The following GALNT6 variants were observed in gnomAD, a reference collection of about 807,000 sequenced individuals.
GALNT6 encodes the protein GalNAc transferase 6.
GALNT6 carries 51 observed loss-of-function variants against 65.9 expected under a neutral mutation model. The ratio of observed to expected loss-of-function variants is 0.77; its 90% CI spans 0.62 to 0.98. GALNT6 has a LOEUF of 0.98. GALNT6 is among the 50% of genes least tolerant of loss of function. The pLI is 0.00. For synonymous variants in GALNT6, 323 were observed against 315.1 expected (o/e 1.02, Z -0.26); for missense variants, 708 against 803.3 (o/e 0.88, Z 1.43).
At chr12:51,366,186 G>A (rs1424955233) in intron 4 of GALNT6, among the ~76,000 whole-genome samples, 1 of 152,168 alleles carries the variant, frequency 6.6e-6, no homozygotes, top group East Asian at 1.9e-4. Flanking sequence ...CCAAAGTTCT[G>A]GGATTACAGG....
chr12:51,386,668 T>TCAC (rs1450816091), intron 2 of GALNT6, among the ~76,000 whole-genome samples: 2 of 152,192 alleles, frequency 1.3e-5, no homozygotes, highest in Non-Finnish European at 1.5e-5. Context: ...GTGATAACTG[T>TCAC]CACCACTCTT....
chr12:51,380,000 C>T (rs749811342), intron 2 of GALNT6, 116 bp from the exon 3 acceptor site: 10 of 563,954 alleles, frequency 1.8e-5, no homozygotes, highest in Non-Finnish European at 3.2e-5. Context: ...CCTTATTGGC[C>T]ACAACTTTCC....
In GALNT6 at chr12:51,354,183, T is replaced by G; in HGVS notation, c.*196A>C. 1.9e-6 allele frequency: 1 copy of G among 515,792 alleles called. No individual in the cohort carries two copies. The highest frequency in any genetic ancestry group is 4.3e-5 in the Admixed American group (1 of 23,208). The allele number at this position is 515,792 out of a possible 1,614,324, so 32.0% of individuals were successfully genotyped here. ...CTAGGCTAAATATATGTCCTAATGGTCTCTTCCATCGGTGTGAAGGAAAGA... is the reference window on the plus strand; with the variant it reads ...CTAGGCTAAATATATGTCCTAATGGGCTCTTCCATCGGTGTGAAGGAAAGA... On this transcript the variant is annotated 3_prime_UTR_variant, in exon 12 of 12. Coordinates refer to ENST00000356317, the MANE Select transcript of GALNT6 (RefSeq NM_007210.4).
intron 8 of GALNT6, 133 bp downstream of exon 8, chr12:51,358,999 C>T: frequency 1.4e-6 from 1 of 715,822 alleles, no homozygotes; most frequent in South Asian, 1.7e-5. Context: ...GGCTCTAGCT[C>T]ACAGGTCCCT....
chr12:51,358,568 T>C (rs977524582), intron 8 of GALNT6, among the ~76,000 whole-genome samples: 7 of 152,158 alleles, frequency 4.6e-5, no homozygotes, highest in Non-Finnish European at 1.5e-5. Context: ...CCCTAAGTGC[T>C]GGGATTACAG....
chr12:51,371,784 CAT>C (rs1173788150), intron 4 of GALNT6, among the ~76,000 whole-genome samples: 3 of 152,130 alleles, frequency 2.0e-5, no homozygotes, highest in African/African-American at 7.2e-5. Flanking sequence ...GACTCACTCT[CAT>C]AGGGCTACTA....
intron 2 of GALNT6, among the ~76,000 whole-genome samples, chr12:51,383,116 G>A (rs1386501674): frequency 1.3e-5 from 2 of 152,212 alleles, no homozygotes; most frequent in African/African-American, 2.4e-5. Flanking sequence ...TAAGCTGAGA[G>A]AGGTAGAGTT....
rs767505533 is a variant in GALNT6 at position 51,355,802 on chromosome 12, T to C, written c.1755+4A>G. 1 of 1,612,260 alleles carries C rather than the reference T, an allele frequency of 6.2e-7. No homozygotes were observed. The highest frequency in any genetic ancestry group is 8.5e-7 in the Non-Finnish European group (1 of 1,179,296). ...GATTCTGAGCTTTCTGGACACTGAC[T>C]CACCTGGGCCAATTCCCATTCCTCG... On this transcript the variant is annotated splice_donor_region_variant and intron_variant, in intron 11 of 11. Transcript: ENST00000356317.
chr12:51,360,443 C>T (rs1351184203), intron 7 of GALNT6, among the ~76,000 whole-genome samples: 1 of 152,074 alleles, frequency 6.6e-6, no homozygotes, highest in African/African-American at 2.4e-5. Context: ...GCAAAAGAGT[C>T]CCCAGTCACC....
chr12:51,389,642 C>A (rs1359629496), intron 2 of GALNT6, among the ~76,000 whole-genome samples: 1 of 152,204 alleles, frequency 6.6e-6, no homozygotes, highest in Non-Finnish European at 1.5e-5. Flanking sequence ...CAGCTGCCTG[C>A]CTTCATGATA....
chr12:51,382,174 T>G (rs1947696157), intron 2 of GALNT6: 1 of 152,208 alleles, frequency 6.6e-6, no homozygotes, highest in South Asian at 2.1e-4. Flanking sequence ...TAGGAGAGAT[T>G]TGTTTATTCC....
chr12:51,377,514 C>T (rs1947504820), intron 3 of GALNT6, 147 bp from the exon 4 acceptor site: 1 of 687,274 alleles, frequency 1.5e-6, no homozygotes, highest in East Asian at 2.7e-5. Context: ...AACAGCTGTT[C>T]CCTGTTCCTG....
chr12:51,354,133 C>T lies in GALNT6; in HGVS notation c.*246G>A, dbSNP rs1243916985. On this transcript the variant is annotated 3_prime_UTR_variant, in exon 12 of 12. Coordinates refer to ENST00000356317, the MANE Select transcript of GALNT6 (RefSeq NM_007210.4). ...CCAGCTGCCTTCCCTACTTTGGGAG[C>T]CTCTATTTCTAGAACAGGAAAACGC... 2.5e-6 allele frequency: 1 copy of T among 396,312 alleles called. No homozygotes were observed. The highest frequency in any genetic ancestry group is 4.4e-6 in the Non-Finnish European group (1 of 226,192). 24.5% of individuals were successfully genotyped at this position (396,312 alleles called of 1,614,324 possible). A position where few individuals can be genotyped will look rare whatever the true frequency, so the allele number is the denominator to read the frequency against.
chr12:51,352,101 C>T lies in GALNT6; in HGVS notation c.*2278G>A, dbSNP rs563665488. 1.3e-5 allele frequency: 2 copies of T among 152,234 alleles called. No homozygotes were observed. Among genetic ancestry groups the T allele is most frequent in the Non-Finnish European group, 2.9e-5 (2 of 68,054 alleles). The allele number at this position is 152,234 out of a possible 1,614,324, so 9.4% of individuals were successfully genotyped here. The stretch of plus-strand genomic sequence containing the variant: ...AAGACAGCTGTGGTCCCATAGCACC[C>T]TCATCTGGTGACATCCTGCTACTGA... On this transcript the variant is annotated 3_prime_UTR_variant, in exon 12 of 12. Coordinates refer to ENST00000356317, the MANE Select transcript of GALNT6 (RefSeq NM_007210.4).
intron 2 of GALNT6, chr12:51,382,474 C>G (rs1947707160): frequency 6.5e-6 from 1 of 152,984 alleles, no homozygotes; most frequent in Admixed American, 6.5e-5. Context: ...GCGAGGTGAG[C>G]ACATTTCAGG....
rs1007954480 is a variant in GALNT6 at position 51,353,943 on chromosome 12, G to C, written c.*436C>G. The C allele has an allele frequency of 6.5e-6, 1 of 152,892 alleles. No homozygotes were observed. The highest frequency in any genetic ancestry group is 1.4e-5 in the Non-Finnish European group (1 of 69,014). The allele number at this position is 152,892 out of a possible 1,614,324, so 9.5% of individuals were successfully genotyped here. On this transcript the variant is annotated 3_prime_UTR_variant, in exon 12 of 12. Transcript: ENST00000356317. Reference sequence around the variant, plus strand: ...TTTTTTTGCCGGGGGGAGGGTGGGCGTAGAGATGGGATCCTCACTATGTTG... The same window carrying C: ...TTTTTTTGCCGGGGGGAGGGTGGGCCTAGAGATGGGATCCTCACTATGTTG...
intron 2 of GALNT6, among the ~76,000 whole-genome samples, chr12:51,384,996 CT>C (rs958678142): frequency 4.0e-5 from 6 of 151,360 alleles, no homozygotes; most frequent in Non-Finnish European, 5.9e-5. Flanking sequence ...TTCTTTCTTT[CT>C]TTTTTTTTGG....
intron 4 of GALNT6, among the ~76,000 whole-genome samples, chr12:51,373,030 T>G (rs1199581591): frequency 1.3e-5 from 2 of 152,192 alleles, no homozygotes; most frequent in African/African-American, 2.4e-5. Context: ...TGCCTATACC[T>G]CCATTGTATC....
chr12:51,384,501 G>C (rs1195892624), intron 2 of GALNT6, among the ~76,000 whole-genome samples: 4 of 151,668 alleles, frequency 2.6e-5, no homozygotes, highest in Non-Finnish European at 5.9e-5. Context: ...AGACCAACCT[G>C]GCCAACATGG....
Sources: gnomAD v4.1 joint callset for allele counts (sites outside exome capture counted in the v4.1 genomes callset) on GRCh38, gnomAD v4.1.1 for gene constraint, MANE v1.5 for transcripts, NCBI Gene and HGNC (gene_info 2026-07-23, HGNC 2026-07-21) for gene names.